ROBO2: variants seen among roughly 807,000 people sequenced by gnomAD.
ROBO2 encodes roundabout guidance receptor 2.
ROBO2 carries 53 observed loss-of-function variants against 160.8 expected under a neutral mutation model. The observed-to-expected ratio is 0.33, with a 90% CI of 0.26 to 0.41. The LOEUF (loss-of-function observed/expected upper bound fraction) is 0.41. Among genes scored for constraint, ROBO2 ranks in the 10% least tolerant of loss-of-function variants. The pLI is 1.00. For synonymous variants in ROBO2, 664 were observed against 611.7 expected, an observed-to-expected ratio of 1.09 and a Z score of -1.26; for missense variants, 1,577 against 1,722.4, an observed-to-expected ratio of 0.92 and a Z score of 1.49.
At chr3:76,642,775 C>A (rs1191645353) in intron 2 of ROBO2, among the ~76,000 whole-genome samples, 1 of 152,130 alleles carries the variant, frequency 6.6e-6, no homozygotes, top group Non-Finnish European at 1.5e-5. Context: ...AAACTTCATT[C>A]TTCTGCAGCA....
At chr3:76,620,762 G>T (rs1302565105) in intron 2 of ROBO2, among the ~76,000 whole-genome samples, 3 of 151,996 alleles carry the variant, frequency 2.0e-5, no homozygotes, top group Admixed American at 2.0e-4. Context: ...TAAAGCTTAG[G>T]GACCAGTTCC....
intron 2 of ROBO2, among the ~76,000 whole-genome samples, chr3:76,075,611 C>G (rs1468331466): frequency 6.6e-6 from 1 of 151,982 alleles, no homozygotes; most frequent in Non-Finnish European, 1.5e-5. Context: ...CTTTTTAAAC[C>G]AGGTATCACT....
At chr3:77,300,838 A>G (rs1486849719) in intron 2 of ROBO2, among the ~76,000 whole-genome samples, 3 of 150,036 alleles carry the variant, frequency 2.0e-5, no homozygotes, top group Admixed American at 6.7e-5. Flanking sequence ...CTAAACTGAA[A>G]TAATAGACTA....
intron 2 of ROBO2, among the ~76,000 whole-genome samples, chr3:77,367,245 A>T (rs796640645): frequency 3.9e-5 from 6 of 152,270 alleles, no homozygotes; most frequent in African/African-American, 1.4e-4. Flanking sequence ...AGATATGCAC[A>T]TAACTCTTAT....
intron 2 of ROBO2, among the ~76,000 whole-genome samples, chr3:76,068,910 A>G (rs1316537672): frequency 6.6e-6 from 1 of 152,176 alleles, no homozygotes; most frequent in Non-Finnish European, 1.5e-5. Flanking sequence ...GGGTTCCAGG[A>G]CACAATATTG....
intron 2 of ROBO2, among the ~76,000 whole-genome samples, chr3:77,217,771 A>G (rs1201963222): frequency 1.3e-5 from 2 of 152,200 alleles, no homozygotes; most frequent in Admixed American, 6.5e-5. Flanking sequence ...TGAGCTAGCT[A>G]TCTAGATTAA....
intron 1 of ROBO2, among the ~76,000 whole-genome samples, chr3:77,096,419 G>T (rs61506592): frequency 0.41 from 62,243 of 151,250 alleles, 15,088 homozygotes; most frequent in African/African-American, 0.66. Context: ...TATCAACAGA[G>T]CCTTCTCTTC....
rs928728537 is a variant in ROBO2, at chr3:77,596,091, T to C, written c.2727-532T>C. Among the ~76,000 whole-genome samples the C allele has an allele frequency of 9.8e-5, 15 of 152,332 alleles. No homozygotes were observed. The South Asian group carries it at 3.1e-3, about 32-fold the overall frequency. On this transcript the variant is annotated intron_variant, in intron 18 of 25. Transcript: ENST00000461745. ...AACCCTTAATATACCCCTGATATTT[T>C]GCAATTTAGAACTTGGAAATGTGCT...
At chr3:77,112,051 A>G (rs886240522) in intron 2 of ROBO2, among the ~76,000 whole-genome samples, 3 of 151,800 alleles carry the variant, frequency 2.0e-5, no homozygotes, top group African/African-American at 7.3e-5. Context: ...ATCTCTACAA[A>G]AAAATACAAT....
chr3:77,646,043 T>C lies in ROBO2; in HGVS notation c.4136-11T>C. 6.3e-7 allele frequency: 1 copy of C among 1,586,330 alleles called. No homozygotes were observed. The highest frequency in any genetic ancestry group is 8.6e-7 in the Non-Finnish European group (1 of 1,159,818). ...TTTATATTTTATTTCTACTTTTTTCTCTTTCTTTAGAGTAAATGAGAGGAG... is the reference window on the plus strand; with the variant it reads ...TTTATATTTTATTTCTACTTTTTTCCCTTTCTTTAGAGTAAATGAGAGGAG... On this transcript the variant is annotated splice_polypyrimidine_tract_variant and intron_variant, in intron 25 of 25. Coordinates refer to ENST00000461745, the Ensembl canonical transcript of ROBO2.
intron 2 of ROBO2, among the ~76,000 whole-genome samples, chr3:76,451,660 C>T (rs1445620807): frequency 6.6e-6 from 1 of 152,150 alleles, no homozygotes; most frequent in African/African-American, 2.4e-5. Flanking sequence ...GGGAAAGACA[C>T]TTTAGAAACC....
intron 2 of ROBO2, among the ~76,000 whole-genome samples, chr3:77,281,864 G>A (rs1404098889): frequency 6.6e-6 from 1 of 152,056 alleles, no homozygotes; most frequent in Non-Finnish European, 1.5e-5. Context: ...TTCACAATAG[G>A]GTAAGCACTT....
chr3:76,931,377 G>A (rs2324699), intron 2 of ROBO2, among the ~76,000 whole-genome samples: 4,328 of 152,092 alleles, frequency 0.028, 182 homozygotes, highest in African/African-American at 0.099. Context: ...AAAGCTATCC[G>A]TTCTTATTAG....
intron 2 of ROBO2, among the ~76,000 whole-genome samples, chr3:76,896,478 A>C (rs538984961): frequency 8.2e-4 from 124 of 152,146 alleles, no homozygotes; most frequent in Non-Finnish European, 1.5e-3. Context: ...CAAGACAAAT[A>C]ATAATAAATT....
At chr3:77,443,436 T>A (rs1347134566) in intron 2 of ROBO2, among the ~76,000 whole-genome samples, 1 of 152,112 alleles carries the variant, frequency 6.6e-6, no homozygotes, top group African/African-American at 2.4e-5. Flanking sequence ...TAAGTGCCAC[T>A]CATTGCCCAA....
At chr3:76,757,767 A>G (rs1374603958) in intron 2 of ROBO2, among the ~76,000 whole-genome samples, 1 of 151,822 alleles carries the variant, frequency 6.6e-6, no homozygotes, top group Non-Finnish European at 1.5e-5. Flanking sequence ...TCCTCCAGAG[A>G]GATTGAACCT....
chr3:76,495,592 G>GT (rs71101891), intron 2 of ROBO2, among the ~76,000 whole-genome samples: 47,240 of 149,328 alleles, frequency 0.32, 7,802 homozygotes, highest in East Asian at 0.41. Flanking sequence ...CCATTTTCTA[G>GT]TTTTTTTTTT....
At chr3:76,189,665 A>C (rs1407931697) in intron 2 of ROBO2, among the ~76,000 whole-genome samples, 1 of 152,014 alleles carries the variant, frequency 6.6e-6, no homozygotes, top group Non-Finnish European at 1.5e-5. Flanking sequence ...CCAACTTAAA[A>C]CCTGTTAAAT....
chr3:77,291,605 T>G (rs2061272059), intron 2 of ROBO2, among the ~76,000 whole-genome samples: 2 of 148,632 alleles, frequency 1.3e-5, no homozygotes. Context: ...AGTAAAGACA[T>G]AAAGTAAAAT....
Sources: allele counts gnomAD v4.1 joint callset (sites outside exome capture counted in the v4.1 genomes callset), GRCh38; gene constraint gnomAD v4.1.1; transcripts MANE v1.5; gene names NCBI Gene and HGNC (gene_info 2026-07-23, HGNC 2026-07-21).